The following NRXN1 variants were observed in gnomAD, a reference collection of about 807,000 sequenced individuals.
NRXN1 encodes neurexin-1.
Under a neutral mutation model 150.9 loss-of-function variants are expected in NRXN1, and 39 were observed. The ratio of observed to expected loss-of-function variants is 0.26; its 90% confidence interval spans 0.20 to 0.34. NRXN1 has a LOEUF of 0.34. NRXN1 is among the 10% of genes least tolerant of loss of function. NRXN1 has a pLI of 1.00. For missense variants in NRXN1, 1,815 were observed against 1,949.9 expected (o/e 0.93, Z 1.30); for synonymous variants, 924 against 757.0 (o/e 1.22, Z -3.62).
chr2:50,505,376 T>A (rs2092168412), intron 13 of NRXN1, among the ~76,000 whole-genome samples: 2 of 152,196 alleles, frequency 1.3e-5, no homozygotes, highest in Admixed American at 6.6e-5. Flanking sequence ...GACTCTAATA[T>A]TCAAGAGGCA....
chr2:50,771,277 T>C (rs1702982866), intron 5 of NRXN1, among the ~76,000 whole-genome samples: 1 of 152,096 alleles, frequency 6.6e-6, no homozygotes, highest in Non-Finnish European at 1.5e-5. Flanking sequence ...CCGTCAGGAT[T>C]ATTCTCCCAA....
chr2:49,934,718 T>G (rs1485529908), intron 22 of NRXN1, among the ~76,000 whole-genome samples: 1 of 151,958 alleles, frequency 6.6e-6, no homozygotes, highest in Non-Finnish European at 1.5e-5. Context: ...CTGCTGGGAG[T>G]ATTCCTGAGT....
intron 17 of NRXN1, among the ~76,000 whole-genome samples, chr2:50,424,134 G>A (rs186717398): frequency 0.021 from 2,779 of 130,680 alleles, 40 homozygotes; most frequent in Non-Finnish European, 0.032. Flanking sequence ...AGGCGGAGGA[G>A]GAGGAGGAGG....
chr2:50,468,441 G>C (rs1178944341), intron 16 of NRXN1, among the ~76,000 whole-genome samples: 12 of 151,374 alleles, frequency 7.9e-5, no homozygotes. Context: ...TCACCTTCTA[G>C]ACAATACTTA....
intron 5 of NRXN1, among the ~76,000 whole-genome samples, chr2:50,623,828 C>T (rs1353908621): frequency 6.6e-6 from 1 of 151,964 alleles, no homozygotes; most frequent in Admixed American, 6.6e-5. Flanking sequence ...GGTACATGTG[C>T]ACAATGTGCA....
intron 17 of NRXN1, among the ~76,000 whole-genome samples, chr2:50,248,173 T>C (rs1355430660): frequency 6.6e-6 from 1 of 152,002 alleles, no homozygotes; most frequent in Non-Finnish European, 1.5e-5. Flanking sequence ...GCCACCATAC[T>C]TGGCGAATTT....
At chr2:50,565,251 T>C (rs907822749) in intron 8 of NRXN1, among the ~76,000 whole-genome samples, 1 of 151,984 alleles carries the variant, frequency 6.6e-6, no homozygotes, top group Non-Finnish European at 1.5e-5. Flanking sequence ...CATTTTTGGA[T>C]TGCTGAGAAA....
rs141839698 is a variant in NRXN1 at position 50,050,687 on chromosome 2, T to C, written c.4128+2584A>G. 8.4e-3 allele frequency among the ~76,000 whole-genome samples: 1,281 copies of C among 152,168 alleles called. 10 individuals carry two copies. The highest frequency in any genetic ancestry group is 0.028 in the African/African-American group (1,175 of 41,544). On this transcript the variant is annotated intron_variant, in intron 21 of 22. Transcript: ENST00000401669. ...TTAAACTTCCTGGTTTAAATATTAC[T>C]GTATTTAGAGGACAATTGAAAAGTC...
chr2:50,605,842 T>G (rs1297530371), intron 8 of NRXN1, among the ~76,000 whole-genome samples: 3 of 152,160 alleles, frequency 2.0e-5, no homozygotes, highest in Admixed American at 2.0e-4. Context: ...ATATTTGTAC[T>G]CCTATGATCA....
Position 50,346,314 on chromosome 2 carries a change from TC to T in NRXN1, c.3365-109345del, listed in dbSNP as rs2077964251. On this transcript the variant is annotated intron_variant, in intron 17 of 22. Transcript: ENST00000401669. The surrounding 1 kb of genome is among the most constrained non-coding windows in gnomAD (Gnocchi z 5.0). ...CAAAAGGTTCTGCAGAGCCCTCTTCTCTCTGGTGCTCAGGTCCCTTAGCTGA... is the reference window on the plus strand; with the variant it reads ...CAAAAGGTTCTGCAGAGCCCTCTTCTTCTGGTGCTCAGGTCCCTTAGCTGA... Among the ~76,000 whole-genome samples, 1 of 152,078 alleles carries T rather than the reference TC, an allele frequency of 6.6e-6. No individual in the cohort carries two copies. The highest frequency in any genetic ancestry group is 1.5e-5 in the Non-Finnish European group (1 of 68,024).
In NRXN1 at chr2:50,552,873, G is replaced by A. The variant is rs765156117; in HGVS notation, c.1473C>T (p.Ile491=). ...PITFETPESF[I]SLPKWNAKKT... ...TCTTTGCATTCCATTTAGGCAAAGA[G>A]ATGAAAGACTCTGGGGTTTCAAAGG... is the stretch of plus-strand genomic sequence containing the variant. Residue 491 remains isoleucine, a synonymous_variant, in exon 9 of 23, where the codon ATC becomes ATT. Transcript: ENST00000401669. The A allele has an allele frequency of 6.2e-7, 1 of 1,613,998 alleles. No individual in the cohort carries two copies. Among genetic ancestry groups the A allele is most frequent in the Admixed American group, 1.7e-5 (1 of 60,026 alleles).
intron 18 of NRXN1, among the ~76,000 whole-genome samples, chr2:50,204,356 G>C (rs533425096): frequency 1.2e-3 from 183 of 151,900 alleles, no homozygotes; most frequent in African/African-American, 4.2e-3. Context: ...GTGTGTGTGT[G>C]TGTGTGTGTG....
chr2:50,293,241 G>A (rs2073156176), intron 17 of NRXN1, among the ~76,000 whole-genome samples: 1 of 152,022 alleles, frequency 6.6e-6, no homozygotes, highest in Non-Finnish European at 1.5e-5. Flanking sequence ...CTGGACTTCA[G>A]TTGTCACATC....
At chr2:50,180,215 C>T (rs992102835) in intron 18 of NRXN1, among the ~76,000 whole-genome samples, 7 of 151,752 alleles carry the variant, frequency 4.6e-5, no homozygotes, top group African/African-American at 9.7e-5. Context: ...TGTAGAGACA[C>T]GGTCTTGCTG....
intron 19 of NRXN1, 128 bp downstream of exon 19, chr2:50,091,195 C>T (rs1315776015): frequency 2.8e-6 from 3 of 1,081,754 alleles, no homozygotes; most frequent in African/African-American, 1.5e-5. Context: ...TCACATGACT[C>T]TAAAGTCCAA....
At chr2:50,377,691 G>T (rs1520446) in intron 17 of NRXN1, among the ~76,000 whole-genome samples, 40,971 of 151,996 alleles carry the variant, frequency 0.27, 5,804 homozygotes, top group East Asian at 0.43. Flanking sequence ...TCCAGTTTGT[G>T]TTCTGCCATT....
At position 50,604,707 on chromosome 2, in the gene NRXN1, A is replaced by T. The variant is rs184870412; in HGVS notation, c.1320+15315T>A. On this transcript the variant is annotated intron_variant, in intron 8 of 22. Coordinates refer to ENST00000401669, the MANE Select transcript of NRXN1 (RefSeq NM_001330078.2). ...GAAAGCCTTTTCCTAAATATTTCTC[A>T]GTCACCATCCCTATACTGCGTTGCA... Among the ~76,000 whole-genome samples, 9 of 152,252 alleles carry T rather than the reference A, an allele frequency of 5.9e-5. No homozygotes were observed. In the South Asian group the frequency reaches 8.3e-4, roughly 14 times the overall value.
At chr2:50,495,552 C>G (rs2091550758) in intron 15 of NRXN1, among the ~76,000 whole-genome samples, 1 of 151,988 alleles carries the variant, frequency 6.6e-6, no homozygotes, top group Non-Finnish European at 1.5e-5. Context: ...ATAATAAGCT[C>G]CTATATATCT....
chr2:50,219,364 A>G (rs894849397), intron 18 of NRXN1, among the ~76,000 whole-genome samples: 1 of 151,816 alleles, frequency 6.6e-6, no homozygotes, highest in Non-Finnish European at 1.5e-5. Context: ...TTGGGGAAAA[A>G]AAAAAAAAGA....
Sources: gnomAD v4.1 joint callset for allele counts (sites outside exome capture counted in the v4.1 genomes callset) on GRCh38, gnomAD v4.1.1 for gene constraint, Gnocchi (gnomAD v3.1) non-coding constraint, MANE v1.5 for transcripts, NCBI Gene and HGNC (gene_info 2026-07-23, HGNC 2026-07-21) for gene names.